Variants in NLGN1 observed in about 807,000 individuals in gnomAD.
NLGN1 encodes neuroligin-1.
In NLGN1, 12 loss-of-function variants were observed where a neutral mutation model predicts 65.5. The observed-to-expected ratio is 0.18, with a 90% CI of 0.12 to 0.30. NLGN1 has a LOEUF of 0.30. Ranked by LOEUF, NLGN1 falls within the 10% of genes least tolerant of loss-of-function variation. NLGN1 has a pLI of 1.00. For synonymous variants in NLGN1, 350 were observed against 359.5 expected, an observed-to-expected ratio of 0.97 and a Z score of 0.30; for missense variants, 750 against 1,007.1, an observed-to-expected ratio of 0.74 and a Z score of 3.46.
intron 4 of NLGN1, among the ~76,000 whole-genome samples, chr3:173,809,904 C>T (rs926999521): frequency 1.3e-5 from 2 of 152,132 alleles, no homozygotes; most frequent in Non-Finnish European, 2.9e-5. Context: ...AGTATGATTT[C>T]CCAGTGTTAA....
chr3:173,421,545 C>T (rs890700377), intron 1 of NLGN1, among the ~76,000 whole-genome samples: 26 of 151,736 alleles, frequency 1.7e-4, no homozygotes, highest in African/African-American at 5.5e-4. Flanking sequence ...GTCTCTGTCA[C>T]GCAGGCTGGA....
chr3:173,540,512 C>A (rs892956846), intron 2 of NLGN1, among the ~76,000 whole-genome samples: 19 of 152,168 alleles, frequency 1.2e-4, no homozygotes, highest in Admixed American at 2.6e-4. Context: ...GAAGGTTGTG[C>A]ATTATGCATT....
In NLGN1 at chr3:173,807,530, G is replaced by A. The variant is rs1560411861; in HGVS notation, c.494-150G>A. Reference sequence around the variant, plus strand: ...CTATTTCCACAATAGCTATTCATATGAGTTGCTTAAGAAACACTTTAATAA... The same window carrying A: ...CTATTTCCACAATAGCTATTCATATAAGTTGCTTAAGAAACACTTTAATAA... On this transcript the variant is annotated intron_variant, in intron 3 of 6. Transcript: ENST00000457714. 6 of 780,120 alleles carry A rather than the reference G, an allele frequency of 7.7e-6. No individual in the cohort carries two copies. The East Asian group carries it at 1.4e-4, about 18-fold the overall frequency. 48.3% of individuals were successfully genotyped at this position (780,120 alleles called of 1,614,324 possible).
intron 4 of NLGN1, among the ~76,000 whole-genome samples, chr3:173,944,835 T>C (rs942695669): frequency 2.0e-5 from 3 of 152,144 alleles, no homozygotes; most frequent in African/African-American, 7.2e-5. Context: ...TCACATGGGG[T>C]GTACAGAGTT....
chr3:173,800,434 C>A, intron 3 of NLGN1: 1 of 397,974 alleles, frequency 2.5e-6, no homozygotes, highest in Admixed American at 4.4e-5. Context: ...TACTTCTTGT[C>A]TTTTTTTGAA....
chr3:174,046,832 T>C (rs1733712887), intron 4 of NLGN1, among the ~76,000 whole-genome samples: 1 of 152,074 alleles, frequency 6.6e-6, no homozygotes, highest in African/African-American at 2.4e-5. Context: ...TCCTTAATTA[T>C]ATTTAGTGCT....
chr3:173,808,608 T>C (rs984141687), intron 4 of NLGN1, among the ~76,000 whole-genome samples: 1 of 152,158 alleles, frequency 6.6e-6, no homozygotes, highest in Non-Finnish European at 1.5e-5. Context: ...GTAAAATTAC[T>C]GTATGATTTA....
Position 173,567,954 on chromosome 3 carries a change from TTTTA to T in NLGN1, c.-320-36322_-320-36319del, listed in dbSNP as rs1406480078. On this transcript the variant is annotated intron_variant, in intron 2 of 6. Transcript: ENST00000457714. ...TGAATAAATGAATAATGAAAAATATTTTTATTCATTTTTTATTTGACAAATAAAA... is the reference window on the plus strand; with the variant it reads ...TGAATAAATGAATAATGAAAAATATTTTCATTTTTTATTTGACAAATAAAA... Among the ~76,000 whole-genome samples the T allele has an allele frequency of 4.6e-5, 7 of 152,228 alleles. No homozygotes were observed. The South Asian group carries it at 1.4e-3, about 32-fold the overall frequency.
chr3:173,839,580 G>A (rs1002276643), intron 4 of NLGN1, among the ~76,000 whole-genome samples: 1 of 151,884 alleles, frequency 6.6e-6, no homozygotes, highest in South Asian at 2.1e-4. Context: ...GCGCCATCAC[G>A]CCCGGCTAAT....
At chr3:173,895,417 T>A (rs1199700373) in intron 4 of NLGN1, among the ~76,000 whole-genome samples, 1 of 152,186 alleles carries the variant, frequency 6.6e-6, no homozygotes, top group African/African-American at 2.4e-5. Context: ...ACTTGGGGAA[T>A]CTTACTGTGA....
At chr3:174,124,282 T>G (rs1236848417) in intron 4 of NLGN1, among the ~76,000 whole-genome samples, 1 of 152,102 alleles carries the variant, frequency 6.6e-6, no homozygotes, top group Non-Finnish European at 1.5e-5. Flanking sequence ...CTGGTATCAT[T>G]GTTACTGCTC....
chr3:173,584,163 A>C (rs895508799), intron 2 of NLGN1, among the ~76,000 whole-genome samples: 1 of 151,460 alleles, frequency 6.6e-6, no homozygotes, highest in African/African-American at 2.4e-5. Context: ...GCTGTATTCA[A>C]GTAGTCATAT....
chr3:173,770,009 G>C (rs1202831383), intron 3 of NLGN1, among the ~76,000 whole-genome samples: 1 of 152,154 alleles, frequency 6.6e-6, no homozygotes, highest in South Asian at 2.1e-4. Flanking sequence ...AGGCCCCTAA[G>C]CTTCTGTTAT....
chr3:174,083,348 ATT>A (rs1266558180), intron 4 of NLGN1, among the ~76,000 whole-genome samples: 1 of 152,124 alleles, frequency 6.6e-6, no homozygotes, highest in Non-Finnish European at 1.5e-5. Context: ...AGATAAATAT[ATT>A]GTTAGGAACA....
chr3:173,819,341 T>G (rs781316848), intron 4 of NLGN1, among the ~76,000 whole-genome samples: 13 of 152,148 alleles, frequency 8.5e-5, no homozygotes, highest in Middle Eastern at 6.3e-3. Flanking sequence ...ACCAGTTTTC[T>G]TTAGCTTTTC....
chr3:173,588,372 A>G (rs1223520678), intron 2 of NLGN1, among the ~76,000 whole-genome samples: 2 of 152,198 alleles, frequency 1.3e-5, no homozygotes, highest in Non-Finnish European at 2.9e-5. Context: ...TGATAATGTC[A>G]AATATTACTA....
intron 2 of NLGN1, among the ~76,000 whole-genome samples, chr3:173,594,305 T>C: frequency 6.6e-6 from 1 of 152,158 alleles, no homozygotes; most frequent in East Asian, 1.9e-4. Flanking sequence ...CCATTCCAAA[T>C]GGGAGAAATT....
At chr3:173,437,962 C>T (rs1425233141) in intron 2 of NLGN1, among the ~76,000 whole-genome samples, 1 of 152,246 alleles carries the variant, frequency 6.6e-6, no homozygotes, top group East Asian at 1.9e-4. Context: ...TTCATTTCAG[C>T]CCTTAGACTG....
chr3:174,010,852 C>T (rs1725391397), intron 4 of NLGN1, among the ~76,000 whole-genome samples: 1 of 152,066 alleles, frequency 6.6e-6, no homozygotes, highest in Non-Finnish European at 1.5e-5. Flanking sequence ...TATCATGTCT[C>T]TCAAATTTGA....
Sources: allele counts gnomAD v4.1 joint callset (sites outside exome capture counted in the v4.1 genomes callset), GRCh38; gene constraint gnomAD v4.1.1; transcripts MANE v1.5; gene names NCBI Gene and HGNC (gene_info 2026-07-23, HGNC 2026-07-21).